Variants in PFKFB4 observed in about 807,000 individuals in gnomAD.
PFKFB4 encodes the protein 6-phosphofructo-2-kinase/fructose-2,6-biphosphatase 4.
Under a neutral mutation model 62.8 loss-of-function variants are expected in PFKFB4, and 42 were observed. The ratio of observed to expected loss-of-function variants is 0.67; its 90% confidence interval spans 0.52 to 0.86. PFKFB4 has a LOEUF of 0.86. PFKFB4 is among the 40% of genes least tolerant of loss of function. The pLI is 0.00. For synonymous variants in PFKFB4, 204 were observed against 240.7 expected, an observed-to-expected ratio of 0.85 and a Z score of 1.41; for missense variants, 475 against 627.2, an observed-to-expected ratio of 0.76 and a Z score of 2.59.
At chr3:48,546,205 A>G (rs878913924) in intron 3 of PFKFB4, among the ~76,000 whole-genome samples, 1 of 150,528 alleles carries the variant, frequency 6.6e-6, no homozygotes, top group Non-Finnish European at 1.5e-5. Context: ...AGCGTGCACA[A>G]CCCCTGTGTG....
At position 48,536,473 on chromosome 3, in the gene PFKFB4, G is replaced by A; in HGVS notation, c.633-10C>T. 2 of 1,595,058 alleles carry A rather than the reference G, an allele frequency of 1.3e-6. No individual in the cohort carries two copies. The highest frequency in any genetic ancestry group is 1.7e-4 in the Middle Eastern group (1 of 5,986). On this transcript the variant is annotated splice_polypyrimidine_tract_variant and intron_variant, in intron 7 of 13. Coordinates refer to ENST00000232375, the MANE Select transcript of PFKFB4 (RefSeq NM_004567.4). Reference sequence around the variant, plus strand: ...GATATAGGACAGGTCCCTGTCCAGAGAGAAAGTAGAAAGAGGCCTGTGAGC... The same window carrying A: ...GATATAGGACAGGTCCCTGTCCAGAAAGAAAGTAGAAAGAGGCCTGTGAGC...
intron 1 of PFKFB4, 42 bp from the exon 2 acceptor site, chr3:48,550,276 C>G: frequency 7.1e-6 from 9 of 1,269,926 alleles, no homozygotes; most frequent in Non-Finnish European, 1.0e-5. Context: ...GGCTGGGACC[C>G]TCCCAGCGCA....
chr3:48,523,573 G>T lies in PFKFB4; in HGVS notation c.1249C>A (p.Leu417Met). The change falls in exon 12 of 14, where the codon CTG (leucine) becomes ATG (methionine). Residue 417 changes from leucine (L) to methionine (M), a missense_variant. Physicochemically the swap from Leu to Met is conservative, Grantham distance 15 (BLOSUM62 2). Transcript: ENST00000232375. ...GGAGTCAGCTTCAGGACTGTGTGCA[G>T]CGGACACTTGAGGTAGGGCAGCTGT... Reference protein sequence around the residue: ...AEQLPYLKCPLHTVLKLTPVA... With the variant: ...AEQLPYLKCPMHTVLKLTPVA... 6.2e-7 allele frequency: 1 copy of T among 1,614,172 alleles called. No homozygotes were observed. The highest frequency in any genetic ancestry group is 8.5e-7 in the Non-Finnish European group (1 of 1,180,026).
rs2043092111 is a variant in PFKFB4 at position 48,550,129 on chromosome 3, A to T, written c.203T>A (p.Val68Glu). ...KLTRYLNWIGVPTREFNVGQY... is the reference protein window; with the variant it reads ...KLTRYLNWIGEPTREFNVGQY... ...GGGCCAAGCCTCACCCCGAGTGGGC[A>T]CACCAATCCAGTTCAGGTATCGAGT... Residue 68 changes from valine (V) to glutamate (E), a missense_variant, in exon 2 of 14, where the codon GTG becomes GAG. Val to Glu is a moderately radical substitution (Grantham distance 121). Coordinates refer to ENST00000232375, the MANE Select transcript of PFKFB4 (RefSeq NM_004567.4). The T allele has an allele frequency of 6.2e-7, 1 of 1,612,190 alleles. No individual in the cohort carries two copies. The highest frequency in any genetic ancestry group is 1.3e-5 in the African/African-American group (1 of 74,902).
At chr3:48,544,579 T>C (rs2042906140) in intron 3 of PFKFB4, among the ~76,000 whole-genome samples, 1 of 151,688 alleles carries the variant, frequency 6.6e-6, no homozygotes, top group African/African-American at 2.4e-5. Context: ...CCAGAGTAGC[T>C]GAAACTACAG....
chr3:48,535,711 AGCATCCCATAGCC>A, intron 8 of PFKFB4, 53 bp from the exon 9 acceptor site: 1 of 1,606,488 alleles, frequency 6.2e-7, no homozygotes, highest in Non-Finnish European at 8.5e-7. Context: ...CTGCCCTTAA[AGCATCCCATAGCC>A]GCAGGGTCCA....
upstream of PFKFB4, among the ~76,000 whole-genome samples, chr3:48,557,612 C>G (rs2043362818): frequency 6.6e-6 from 1 of 152,164 alleles, no homozygotes; most frequent in Non-Finnish European, 1.5e-5. Context: ...TCTTGGCTCA[C>G]TGCAACCTCC....
chr3:48,561,740 G>A (rs557879359), upstream of PFKFB4: 3 of 125,610 alleles, frequency 2.4e-5, no homozygotes, highest in Admixed American at 7.8e-5. The surrounding 1 kb of genome is among the most constrained non-coding windows in gnomAD (Gnocchi z 5.2). Context: ...TCCTTCAGTC[G>A]CTTTGTGTTT....
At position 48,536,372 on chromosome 3, in the gene PFKFB4, G is replaced by A. The variant is rs1266313186; in HGVS notation, c.724C>T (p.Leu242Phe). The change falls in exon 8 of 14, where the codon CTC becomes TTC. Residue 242 changes from leucine to phenylalanine, a missense_variant. Physicochemically the swap from Leu to Phe is conservative, Grantham distance 22. Transcript: ENST00000232375. ...DHIQSRIVYY[L>F]MNIHVTPRSI... Reference sequence around the variant, plus strand: ...CGGGGGGTCACGTGGATGTTCATGAGGTAATATACGATGCGGCTCTGGATG... The same window carrying A: ...CGGGGGGTCACGTGGATGTTCATGAAGTAATATACGATGCGGCTCTGGATG... The A allele has an allele frequency of 6.2e-7, 1 of 1,614,060 alleles. No homozygotes were observed. Among genetic ancestry groups the A allele is most frequent in the Non-Finnish European group, 8.5e-7 (1 of 1,180,012 alleles).
At chr3:48,524,468 A>G (rs2042194502) in intron 10 of PFKFB4, among the ~76,000 whole-genome samples, 4 of 152,228 alleles carry the variant, frequency 2.6e-5, no homozygotes. Flanking sequence ...TTGATTAGGA[A>G]GCAAAAATGA....
chr3:48,528,668 A>ACAAACATAG (rs532699028), intron 9 of PFKFB4, among the ~76,000 whole-genome samples: 205 of 152,374 alleles, frequency 1.3e-3, no homozygotes, highest in Non-Finnish European at 2.2e-3. Context: ...TCTCAAACAA[A>ACAAACATAG]CAAACATAGA....
At chr3:48,522,403 G>A (rs912206916) in intron 12 of PFKFB4, among the ~76,000 whole-genome samples, 3 of 152,158 alleles carry the variant, frequency 2.0e-5, no homozygotes, top group Admixed American at 6.5e-5. Context: ...TACCATATAA[G>A]GCCCAGTCAA....
At chr3:48,536,125 G>T (rs1339737894) in intron 8 of PFKFB4, 131 bp downstream of exon 8, 3 of 738,202 alleles carry the variant, frequency 4.1e-6, no homozygotes, top group Non-Finnish European at 6.7e-6. Context: ...TAGGTTGAAT[G>T]AAGGTCATTC....
chr3:48,535,492 G>T lies in PFKFB4; in HGVS notation c.987+20C>A. The T allele has an allele frequency of 6.2e-7, 1 of 1,602,336 alleles. No homozygotes were observed. On this transcript the variant is annotated intron_variant, in intron 9 of 13. Coordinates refer to ENST00000232375, the MANE Select transcript of PFKFB4 (RefSeq NM_004567.4). ...CTGCGGTATCTGGGAGGTAGACAGG[G>T]AGGGAGGGACGGTAACTACCGCATC...
chr3:48,556,148 C>A lies in PFKFB4; in HGVS notation c.97+533G>T, dbSNP rs1269091028. ...TTTTCTGTCTCTATCCTGAGCACAT[C>A]TCTGCTGAAGTTCCTGCCCAAGCTC... On this transcript the variant is annotated intron_variant, in intron 1 of 13. Transcript: ENST00000232375. This position sits in a 1 kb window ranked among gnomAD's most constrained non-coding sequence, Gnocchi z 5.7. 2.2e-6 allele frequency: 1 copy of A among 457,250 alleles called. No homozygotes were observed. Among genetic ancestry groups the A allele is most frequent in the South Asian group, 1.5e-5 (1 of 64,588 alleles). The allele number at this position is 457,250 out of a possible 1,614,324, so 28.3% of individuals were successfully genotyped here. A position where few individuals can be genotyped will look rare whatever the true frequency, so the allele number is the denominator to read the frequency against.
At position 48,545,274 on chromosome 3, in the gene PFKFB4, G is replaced by A. The variant is rs201198623; in HGVS notation, c.312-1628C>T. Reference sequence around the variant, plus strand: ...AGCCTCTCGAGTAGCTGGGATTACAGGCATGTGCCACCACACCCAGCTAAT... The same window carrying A: ...AGCCTCTCGAGTAGCTGGGATTACAAGCATGTGCCACCACACCCAGCTAAT... On this transcript the variant is annotated intron_variant, in intron 3 of 13. Coordinates refer to ENST00000232375, the MANE Select transcript of PFKFB4 (RefSeq NM_004567.4). Among the ~76,000 whole-genome samples, 4 of 152,214 alleles carry A rather than the reference G, an allele frequency of 2.6e-5. No individual in the cohort carries two copies. The East Asian group carries it at 7.7e-4, about 29-fold the overall frequency.
At chr3:48,526,928 G>A (rs1202976892) in intron 9 of PFKFB4, among the ~76,000 whole-genome samples, 3 of 147,900 alleles carry the variant, frequency 2.0e-5, no homozygotes, top group Non-Finnish European at 4.4e-5. Flanking sequence ...GTGACAGAGC[G>A]AGACTCCATC....
chr3:48,518,683 T>C lies in PFKFB4; in HGVS notation c.*1064A>G, dbSNP rs1417166184. 1 of 152,302 alleles carries C rather than the reference T, an allele frequency of 6.6e-6. No homozygotes were observed. Among genetic ancestry groups the C allele is most frequent in the African/African-American group, 2.4e-5 (1 of 41,482 alleles). 9.4% of individuals were successfully genotyped at this position (152,302 alleles called of 1,614,324 possible). A position where few individuals can be genotyped will look rare whatever the true frequency, so the allele number is the denominator to read the frequency against. On this transcript the variant is annotated 3_prime_UTR_variant, in exon 14 of 14. Transcript: ENST00000232375. ...TTGCCCAGGGACTGCCTATGGGTTC[T>C]GCCTTCTCCCTTCCTCAGACCCACA...
At chr3:48,547,387 G>A (rs1365998386) in intron 3 of PFKFB4, among the ~76,000 whole-genome samples, 1 of 152,150 alleles carries the variant, frequency 6.6e-6, no homozygotes, top group African/African-American at 2.4e-5. Context: ...GTGCCCACGT[G>A]TGTGTGTGCA....
Sources: allele counts gnomAD v4.1 joint callset (sites outside exome capture counted in the v4.1 genomes callset), GRCh38; gene constraint gnomAD v4.1.1; non-coding constraint Gnocchi (gnomAD v3.1); transcripts MANE v1.5; gene names NCBI Gene and HGNC (gene_info 2026-07-23, HGNC 2026-07-21).